UGT1A6: variants seen among roughly 807,000 people sequenced by gnomAD.
UGT1A6 encodes the protein UDP-glucuronosyltransferase 1A6.
UGT1A6 carries 32 observed loss-of-function variants against 44.4 expected under a neutral mutation model. The ratio of observed to expected loss-of-function variants is 0.72; its 90% CI spans 0.54 to 0.97. The LOEUF (loss-of-function observed/expected upper bound fraction) is 0.97, where lower values mean the gene tolerates loss of function less well. UGT1A6 is among the 50% of genes least tolerant of loss of function. UGT1A6 has a pLI of 0.00. For missense variants in UGT1A6, 685 were observed against 661.9 expected (o/e 1.03, Z -0.38); for synonymous variants, 238 against 248.5 (o/e 0.96, Z 0.40).
At chr2:233,731,691 A>C (rs2078192631) in intron 1 of UGT1A6, among the ~76,000 whole-genome samples, 1 of 152,178 alleles carries the variant, frequency 6.6e-6, no homozygotes, top group Non-Finnish European at 1.5e-5. Flanking sequence ...TCATTGATGG[A>C]CATTTGGATT....
intron 1 of UGT1A6, among the ~76,000 whole-genome samples, chr2:233,705,440 G>C (rs72986482): frequency 6.6e-6 from 1 of 152,136 alleles, no homozygotes; most frequent in Admixed American, 6.5e-5. Flanking sequence ...TTATCCTTCA[G>C]AATTGCACAT....
intron 1 of UGT1A6, among the ~76,000 whole-genome samples, chr2:233,700,896 C>CG (rs2075597942): frequency 6.6e-6 from 1 of 151,952 alleles, no homozygotes; most frequent in Non-Finnish European, 1.5e-5. Flanking sequence ...CAACAGTCCC[C>CG]GGTGTGTGAC....
intron 1 of UGT1A6, among the ~76,000 whole-genome samples, chr2:233,716,742 A>T (rs2076523181): frequency 6.6e-6 from 1 of 152,156 alleles, no homozygotes; most frequent in Non-Finnish European, 1.5e-5. Context: ...GCTCTGTGAG[A>T]TTGGGAGAGG....
chr2:233,745,619 A>G (rs976825900), intron 1 of UGT1A6, among the ~76,000 whole-genome samples: 4 of 151,618 alleles, frequency 2.6e-5, no homozygotes, highest in Non-Finnish European at 5.9e-5. Context: ...CACACAATGA[A>G]CAGTCATAGA....
At chr2:233,771,559 G>GTA (rs1700328528) in intron 4 of UGT1A6, 1 of 152,152 alleles carries the variant, frequency 6.6e-6, no homozygotes, top group South Asian at 2.1e-4. Flanking sequence ...CTGTTAATTT[G>GTA]GCCAGAGGTG....
intron 1 of UGT1A6, among the ~76,000 whole-genome samples, chr2:233,727,645 C>T (rs1332345020): frequency 3.9e-5 from 6 of 152,104 alleles, no homozygotes; most frequent in South Asian, 2.1e-4. Context: ...GCTGAGAATC[C>T]CTTTCTAGTG....
Position 233,772,846 on chromosome 2 carries a change from T to G in UGT1A6, c.*287T>G. On this transcript the variant is annotated 3_prime_UTR_variant, in exon 5 of 5. Transcript: ENST00000305139. Reference sequence around the variant, plus strand: ...AGGCTGGCATTCTAGATTACTTTTCTTACTCTGAAACATGGCCTGTTTGGG... The same window carrying G: ...AGGCTGGCATTCTAGATTACTTTTCGTACTCTGAAACATGGCCTGTTTGGG... 1 of 808,400 alleles carries G rather than the reference T, an allele frequency of 1.2e-6. No homozygotes were observed. Among genetic ancestry groups the G allele is most frequent in the Non-Finnish European group, 1.8e-6 (1 of 570,574 alleles). The allele number at this position is 808,400 out of a possible 1,614,324, so 50.1% of individuals were successfully genotyped here.
intron 1 of UGT1A6, among the ~76,000 whole-genome samples, chr2:233,716,209 T>C (rs1427806327): frequency 6.6e-6 from 1 of 152,234 alleles, no homozygotes; most frequent in Non-Finnish European, 1.5e-5. Flanking sequence ...TCTCTTTCAC[T>C]TGCAAGAGCC....
chr2:233,760,258 G>T (rs1164776908), intron 1 of UGT1A6: 1 of 1,611,202 alleles, frequency 6.2e-7, no homozygotes, highest in South Asian at 1.1e-5. Flanking sequence ...AAGTAGGAGA[G>T]GGCGAACCTC....
At chr2:233,712,285 C>A (rs1006045038) in intron 1 of UGT1A6, among the ~76,000 whole-genome samples, 14 of 152,370 alleles carry the variant, frequency 9.2e-5, no homozygotes, top group Middle Eastern at 3.4e-3. Flanking sequence ...AGCACCTCTT[C>A]TTCCATGGTG....
intron 1 of UGT1A6, among the ~76,000 whole-genome samples, chr2:233,758,781 G>C (rs1359978174): frequency 6.6e-6 from 1 of 152,186 alleles, no homozygotes; most frequent in African/African-American, 2.4e-5. Context: ...GTTGGGATCT[G>C]TGCAGTTATC....
chr2:233,767,452 A>G (rs1559414101), intron 2 of UGT1A6, among the ~76,000 whole-genome samples: 1 of 152,230 alleles, frequency 6.6e-6, no homozygotes, highest in Non-Finnish European at 1.5e-5. Context: ...AATAAAATAA[A>G]TGGGATATTG....
At chr2:233,692,391 G>A (rs931461847), upstream of UGT1A6, 4 of 155,450 alleles carry the variant, frequency 2.6e-5, no homozygotes, top group Non-Finnish European at 4.3e-5. Context: ...CAAGAAAGAG[G>A]GTGTGTGAAC....
At chr2:233,743,204 C>T (rs187896113) in intron 1 of UGT1A6, 20 of 388,964 alleles carry the variant, frequency 5.1e-5, no homozygotes, top group East Asian at 2.2e-4. Context: ...GGTGTCAATG[C>T]GGAGTAACTG....
rs1204736990 is a variant in UGT1A6 at position 233,693,199 on chromosome 2, G to T, written c.195G>T (p.Leu65Phe). ...EIVVVVPEVN[L>F]LLKESKYYTR... ...TAGTGGTGGTGCCTGAAGTTAATTT[G>T]CTTTTGAAAGAATCCAAATACTACA... Residue 65 changes from leucine to phenylalanine, a missense_variant, in exon 1 of 5, where the codon TTG becomes TTT. Coordinates refer to ENST00000305139, the MANE Select transcript of UGT1A6 (RefSeq NM_001072.4). The T allele has an allele frequency of 1.9e-6, 3 of 1,613,990 alleles. No homozygotes were observed. Among genetic ancestry groups the T allele is most frequent in the Non-Finnish European group, 2.5e-6 (3 of 1,179,988 alleles).
At chr2:233,724,300 C>A (rs1204740758) in intron 1 of UGT1A6, among the ~76,000 whole-genome samples, 1 of 143,820 alleles carries the variant, frequency 7.0e-6, no homozygotes, top group Non-Finnish European at 1.5e-5. Context: ...GACCCCCCCA[C>A]CTCCCTCCCG....
chr2:233,727,892 G>A (rs1335594867), intron 1 of UGT1A6, among the ~76,000 whole-genome samples: 1 of 152,130 alleles, frequency 6.6e-6, no homozygotes, highest in African/African-American at 2.4e-5. Flanking sequence ...TGGCAGACAC[G>A]GCCAGGCAAG....
At chr2:233,707,847 T>A (rs2075990854) in intron 1 of UGT1A6, among the ~76,000 whole-genome samples, 1 of 152,212 alleles carries the variant, frequency 6.6e-6, no homozygotes, top group South Asian at 2.1e-4. Context: ...GTAACTATTT[T>A]TCAGAGTGGT....
chr2:233,772,573 A>C lies in UGT1A6; in HGVS notation c.*14A>C. 1.9e-6 allele frequency: 3 copies of C among 1,610,688 alleles called. No homozygotes were observed. Among genetic ancestry groups the C allele is most frequent in the Non-Finnish European group, 2.5e-6 (3 of 1,178,166 alleles). On this transcript the variant is annotated 3_prime_UTR_variant, in exon 5 of 5. Coordinates refer to ENST00000305139, the MANE Select transcript of UGT1A6 (RefSeq NM_001072.4). ...AAGACCCATTGAGAAGTGGGTGGGA[A>C]ATAAGGTAAAATTTTGAACCATTCC...
Sources: allele counts gnomAD v4.1 joint callset (sites outside exome capture counted in the v4.1 genomes callset), GRCh38; gene constraint gnomAD v4.1.1; transcripts MANE v1.5; gene names NCBI Gene and HGNC (gene_info 2026-07-23, HGNC 2026-07-21).